Variants in TTLL5 observed in about 807,000 individuals in gnomAD.
The protein encoded by TTLL5 is tubulin tyrosine ligase like 5.
In TTLL5, 132 loss-of-function variants were observed where a neutral mutation model predicts 168.4. The observed-to-expected ratio is 0.78, with a 90% CI of 0.68 to 0.91. The LOEUF is 0.91. Ranked by LOEUF, TTLL5 falls within the 40% of genes least tolerant of loss-of-function variation. The pLI, the probability that TTLL5 is intolerant of heterozygous loss-of-function variation, is 0.00. For synonymous variants in TTLL5, 546 were observed against 558.6 expected (o/e 0.98, Z 0.32); for missense variants, 1,545 against 1,581.5 (o/e 0.98, Z 0.39).
At position 75,681,533 on chromosome 14, in the gene TTLL5, G is replaced by A. The variant is rs1266541646; in HGVS notation, c.182-12G>A. ...CTTTCTAGTTACTGAACTTGATTCT[G>A]TTTTTCTTTAGAACGTTATCATTTG... On this transcript the variant is annotated splice_polypyrimidine_tract_variant and intron_variant, in intron 3 of 31. Transcript: ENST00000298832. The A allele has an allele frequency of 1.9e-6, 3 of 1,611,290 alleles. No homozygotes were observed. Among genetic ancestry groups the A allele is most frequent in the South Asian group, 2.2e-5 (2 of 91,010 alleles).
At chr14:75,684,605 ATAC>A (rs1884889733) in intron 5 of TTLL5, 1 of 152,240 alleles carries the variant, frequency 6.6e-6, no homozygotes, top group Non-Finnish European at 1.5e-5. Flanking sequence ...GATGAATTGT[ATAC>A]TACAATACTT....
chr14:75,796,800 C>A (rs1893018694), intron 27 of TTLL5, among the ~76,000 whole-genome samples: 2 of 152,066 alleles, frequency 1.3e-5, no homozygotes, highest in Non-Finnish European at 2.9e-5. Context: ...TATTTTTATA[C>A]CAGTACCATG....
At chr14:75,689,909 T>C (rs1399159803) in intron 5 of TTLL5, 2 of 295,966 alleles carry the variant, frequency 6.8e-6, no homozygotes, top group Non-Finnish European at 1.2e-5. Context: ...ATTGTGGTGG[T>C]GGTTACATAA....
chr14:75,723,125 CTTT>C (rs908757696), intron 12 of TTLL5, among the ~76,000 whole-genome samples: 1 of 151,850 alleles, frequency 6.6e-6, no homozygotes, highest in Non-Finnish European at 1.5e-5. Flanking sequence ...CATGGCAGCA[CTTT>C]TTTTTAAATT....
At chr14:75,765,971 TG>T in intron 19 of TTLL5, 90 bp from the exon 20 acceptor site, 1 of 1,173,070 alleles carries the variant, frequency 8.5e-7, no homozygotes, top group Non-Finnish European at 1.2e-6. Flanking sequence ...GGTTTAGAAA[TG>T]GGCTTTTACT....
chr14:75,820,287 C>CAGAGGA, intron 28 of TTLL5, 126 bp downstream of exon 28: 1 of 1,008,150 alleles, frequency 9.9e-7, no homozygotes, highest in Non-Finnish European at 1.3e-6. Context: ...CTCCACCTGC[C>CAGAGGA]TCGATCCTCT....
At chr14:75,719,178 C>G (rs1407350985) in intron 10 of TTLL5, among the ~76,000 whole-genome samples, 1 of 152,162 alleles carries the variant, frequency 6.6e-6, no homozygotes, top group African/African-American at 2.4e-5. Flanking sequence ...AGTGCACTCT[C>G]CCTTCAGTGT....
intron 30 of TTLL5, among the ~76,000 whole-genome samples, chr14:75,893,273 T>TA (rs763690956): frequency 3.3e-5 from 5 of 152,078 alleles, no homozygotes; most frequent in African/African-American, 9.7e-5. Context: ...AGTCCTCAGC[T>TA]AAAAAATTCA....
rs2032962642 is a variant in TTLL5 at position 75,902,360 on chromosome 14, T to G, written c.3823+136T>G. ...TCTAGCCTCTCAAAACATTGGCAAATGGGCATTTTTGTTGCATTCTTCTTT... is the reference window on the plus strand; with the variant it reads ...TCTAGCCTCTCAAAACATTGGCAAAGGGGCATTTTTGTTGCATTCTTCTTT... On this transcript the variant is annotated intron_variant, in intron 31 of 31. Coordinates refer to ENST00000298832, the MANE Select transcript of TTLL5 (RefSeq NM_015072.5). 7 of 910,558 alleles carry G rather than the reference T, an allele frequency of 7.7e-6. No individual in the cohort carries two copies. In the East Asian group the frequency reaches 1.6e-4, roughly 21 times the overall value. 56.4% of individuals were successfully genotyped at this position (910,558 alleles called of 1,614,324 possible). A position where few individuals can be genotyped will look rare whatever the true frequency, so the allele number is the denominator to read the frequency against.
rs2035040178 is a variant in TTLL5 at position 75,954,105 on chromosome 14, CG to C, written c.3824-316del. ...CCACTAAAAATACAAAAAAATTAGC[CG>C]GGTATGGTGGGTGGTGGGCACCTGT... is the stretch of plus-strand genomic sequence containing the variant. On this transcript the variant is annotated intron_variant, in intron 31 of 31. Transcript: ENST00000298832. Among the ~76,000 whole-genome samples, 3 of 151,818 alleles carry C rather than the reference CG, an allele frequency of 2.0e-5. No homozygotes were observed. The South Asian group carries it at 6.3e-4, about 32-fold the overall frequency.
At chr14:75,953,959 A>G (rs1242670427) in intron 31 of TTLL5, among the ~76,000 whole-genome samples, 1 of 152,068 alleles carries the variant, frequency 6.6e-6, no homozygotes, top group African/African-American at 2.4e-5. Flanking sequence ...TAAAATTAAG[A>G]GCTTTGTGGC....
At chr14:75,738,712 T>C (rs1889058435) in intron 15 of TTLL5, among the ~76,000 whole-genome samples, 1 of 152,222 alleles carries the variant, frequency 6.6e-6, no homozygotes, top group Admixed American at 6.5e-5. Context: ...CTGGAACTAA[T>C]GTACTGAAAG....
chr14:75,718,720 G>T (rs541836710), intron 10 of TTLL5, among the ~76,000 whole-genome samples: 1 of 152,148 alleles, frequency 6.6e-6, no homozygotes, highest in African/African-American at 2.4e-5. Flanking sequence ...TCTCAGAAAA[G>T]GATTCAGTGG....
At chr14:75,925,972 G>T (rs549695341) in intron 31 of TTLL5, among the ~76,000 whole-genome samples, 1 of 151,936 alleles carries the variant, frequency 6.6e-6, no homozygotes, top group Non-Finnish European at 1.5e-5. Flanking sequence ...ATCAGGCAGG[G>T]AGGTTGCAGT....
chr14:75,936,301 C>T (rs1412510134), intron 31 of TTLL5, among the ~76,000 whole-genome samples: 3 of 152,164 alleles, frequency 2.0e-5, no homozygotes, highest in Admixed American at 6.5e-5. Flanking sequence ...TTACTTTGCT[C>T]CAGCAAAGAT....
At chr14:75,941,821 T>C (rs1343937732) in intron 31 of TTLL5, among the ~76,000 whole-genome samples, 1 of 151,022 alleles carries the variant, frequency 6.6e-6, no homozygotes, top group Non-Finnish European at 1.5e-5. Context: ...GCCTTCTTTA[T>C]TGGCAGAAAA....
intron 28 of TTLL5, among the ~76,000 whole-genome samples, chr14:75,830,313 T>C (rs1390539823): frequency 6.6e-6 from 1 of 152,242 alleles, no homozygotes; most frequent in Non-Finnish European, 1.5e-5. Flanking sequence ...ACTTGCATTC[T>C]TCTTCATAAG....
chr14:75,948,205 C>T (rs1418940308), intron 31 of TTLL5, among the ~76,000 whole-genome samples: 2 of 151,980 alleles, frequency 1.3e-5, no homozygotes, highest in Non-Finnish European at 2.9e-5. Context: ...TCATAATTGG[C>T]GGGGCACAGT....
chr14:75,831,450 A>G (rs1895558399), intron 28 of TTLL5, among the ~76,000 whole-genome samples: 1 of 152,142 alleles, frequency 6.6e-6, no homozygotes, highest in Non-Finnish European at 1.5e-5. Flanking sequence ...TTATTTTCTG[A>G]GATGTGTCCA....
Sources: allele counts gnomAD v4.1 joint callset (sites outside exome capture counted in the v4.1 genomes callset), GRCh38; gene constraint gnomAD v4.1.1; transcripts MANE v1.5; gene names NCBI Gene and HGNC (gene_info 2026-07-23, HGNC 2026-07-21).